RUNX1: variants seen among roughly 807,000 people sequenced by gnomAD.
RUNX1 encodes the protein runt-related transcription factor 1.
A neutral mutation model predicts 42.8 loss-of-function variants in RUNX1; 19 were observed. That is an observed-to-expected ratio of 0.44 (90% CI 0.31 to 0.65). The LOEUF (loss-of-function observed/expected upper bound fraction) is 0.65. Ranked by LOEUF, RUNX1 falls within the 30% of genes least tolerant of loss-of-function variation. The pLI, the probability that RUNX1 is intolerant of heterozygous loss-of-function variation, is 0.07. For missense variants in RUNX1, 528 were observed against 672.0 expected, an observed-to-expected ratio of 0.79 and a Z score of 2.37; for synonymous variants, 271 against 289.4, an observed-to-expected ratio of 0.94 and a Z score of 0.64.
At chr21:34,891,016 C>T (rs900545595) in intron 3 of RUNX1, among the ~76,000 whole-genome samples, 1 of 152,076 alleles carries the variant, frequency 6.6e-6, no homozygotes, top group African/African-American at 2.4e-5. Flanking sequence ...CTTTTGACTC[C>T]AGGGGAAATA....
chr21:34,869,204 G>A (rs746293460), intron 5 of RUNX1, among the ~76,000 whole-genome samples: 8 of 152,082 alleles, frequency 5.3e-5, no homozygotes, highest in Non-Finnish European at 5.9e-5. Context: ...AGGGATTCTC[G>A]CTGTAGAAGG....
intron 2 of RUNX1, among the ~76,000 whole-genome samples, chr21:34,993,301 G>C (rs2058960015): frequency 6.6e-6 from 1 of 152,148 alleles, no homozygotes; most frequent in Non-Finnish European, 1.5e-5. Flanking sequence ...ATGGGGTAAG[G>C]TAAGATGTAG....
chr21:34,994,383 T>A (rs1414563944), intron 2 of RUNX1, among the ~76,000 whole-genome samples: 1 of 152,198 alleles, frequency 6.6e-6, no homozygotes, highest in African/African-American at 2.4e-5. Context: ...ATAATTTAAT[T>A]GTACATTTTA....
chr21:34,917,623 A>T (rs1170654398), intron 2 of RUNX1, among the ~76,000 whole-genome samples: 1 of 152,216 alleles, frequency 6.6e-6, no homozygotes, highest in Non-Finnish European at 1.5e-5. Flanking sequence ...AAATATCTCA[A>T]AGAAGATAGA....
At chr21:34,891,179 A>T (rs1333427094) in intron 3 of RUNX1, among the ~76,000 whole-genome samples, 1 of 152,202 alleles carries the variant, frequency 6.6e-6, no homozygotes, top group Non-Finnish European at 1.5e-5. Flanking sequence ...TTATCGAGTA[A>T]GGAAAGTTGG....
intron 2 of RUNX1, among the ~76,000 whole-genome samples, chr21:34,917,904 A>G (rs2058323835): frequency 6.6e-6 from 1 of 151,884 alleles, no homozygotes; most frequent in African/African-American, 2.4e-5. Context: ...GTCCAGGTGG[A>G]TGGATCATGA....
At chr21:34,872,104 A>G (rs948216124) in intron 5 of RUNX1, among the ~76,000 whole-genome samples, 1 of 152,124 alleles carries the variant, frequency 6.6e-6, no homozygotes, top group Non-Finnish European at 1.5e-5. Context: ...TTGGCCTCCT[A>G]AAGTGCTGGG....
In RUNX1 at chr21:34,789,598, ACACACG is replaced by A. The variant is rs1177007518; in HGVS notation, c.*2531_*2536del. On this transcript the variant is annotated 3_prime_UTR_variant, in exon 9 of 9. Transcript: ENST00000675419. Reference sequence around the variant, plus strand: ...AATGCAATTTTTCACACACACACACACACACGCACACACACACACATACAAAAATGT... The same window carrying A: ...AATGCAATTTTTCACACACACACACACACACACACACACATACAAAAATGT... The A allele has an allele frequency of 1.7e-5, 4 of 233,166 alleles. No individual in the cohort carries two copies. Among genetic ancestry groups the A allele is most frequent in the African/African-American group, 6.7e-5 (3 of 44,998 alleles). The allele number at this position is 233,166 out of a possible 1,614,324, so 14.4% of individuals were successfully genotyped here. A position where few individuals can be genotyped will look rare whatever the true frequency, so the allele number is the denominator to read the frequency against.
In RUNX1 at chr21:34,888,221, G is replaced by T. The variant is rs1266934633; in HGVS notation, c.98-1125C>A. The T allele has an allele frequency of 7.5e-6, 8 of 1,066,760 alleles. No homozygotes were observed. In the Admixed American group the frequency reaches 2.1e-4, roughly 28 times the overall value. 66.1% of individuals were successfully genotyped at this position (1,066,760 alleles called of 1,614,324 possible). A position where few individuals can be genotyped will look rare whatever the true frequency, so the allele number is the denominator to read the frequency against. ...CCGCCGGTTAGCTGCTCCGAGGCACGAACACCCACGAGCGCCGCGTAACCG... is the reference window on the plus strand; with the variant it reads ...CCGCCGGTTAGCTGCTCCGAGGCACTAACACCCACGAGCGCCGCGTAACCG... On this transcript the variant is annotated intron_variant, in intron 3 of 8. Coordinates refer to ENST00000675419, the MANE Select transcript of RUNX1 (RefSeq NM_001754.5).
intron 7 of RUNX1, among the ~76,000 whole-genome samples, chr21:34,805,950 A>T (rs2056673073): frequency 6.6e-6 from 1 of 152,200 alleles, no homozygotes; most frequent in Non-Finnish European, 1.5e-5. Flanking sequence ...GTACTTTTCA[A>T]ACTTTAGGGC....
At chr21:35,022,578 G>A (rs2059206564) in intron 2 of RUNX1, among the ~76,000 whole-genome samples, 1 of 152,188 alleles carries the variant, frequency 6.6e-6, no homozygotes, top group Admixed American at 6.5e-5. Flanking sequence ...AGTGCATATA[G>A]ATCTTTGTAA....
intron 2 of RUNX1, among the ~76,000 whole-genome samples, chr21:34,960,388 C>A (rs916780148): frequency 2.6e-5 from 4 of 152,316 alleles, no homozygotes; most frequent in East Asian, 3.9e-4. Flanking sequence ...CCCTTTCCTG[C>A]TGACTGGGTG....
At chr21:34,825,354 G>C (rs756872547) in intron 7 of RUNX1, among the ~76,000 whole-genome samples, 2 of 152,200 alleles carry the variant, frequency 1.3e-5, no homozygotes, top group African/African-American at 4.8e-5. Context: ...ACAGGGAAGA[G>C]AGCTCTTTCT....
At chr21:34,983,730 A>G (rs2058864500) in intron 2 of RUNX1, among the ~76,000 whole-genome samples, 2 of 152,180 alleles carry the variant, frequency 1.3e-5, no homozygotes, top group Non-Finnish European at 2.9e-5. Flanking sequence ...TGTGGGGGGA[A>G]AATGGTTTGA....
At chr21:34,917,150 C>T (rs2058317707) in intron 2 of RUNX1, among the ~76,000 whole-genome samples, 1 of 152,132 alleles carries the variant, frequency 6.6e-6, no homozygotes, top group East Asian at 1.9e-4. Flanking sequence ...AGCAGAGAAA[C>T]CTAAGTGACC....
chr21:34,986,512 G>A (rs972821547), intron 2 of RUNX1, among the ~76,000 whole-genome samples: 41 of 150,182 alleles, frequency 2.7e-4, no homozygotes, highest in African/African-American at 7.9e-4. Flanking sequence ...AGGTTGTCAC[G>A]CTTTTTGGAA....
chr21:34,881,487 C>T (rs1454376580), intron 4 of RUNX1, among the ~76,000 whole-genome samples: 1 of 152,082 alleles, frequency 6.6e-6, no homozygotes, highest in African/African-American at 2.4e-5. Flanking sequence ...ACAAAATCAA[C>T]AGACCTCAGA....
At chr21:34,897,679 C>A (rs2058141423) in intron 2 of RUNX1, among the ~76,000 whole-genome samples, 1 of 152,146 alleles carries the variant, frequency 6.6e-6, no homozygotes, top group South Asian at 2.1e-4. Context: ...TAGTGTAAAA[C>A]TCTTGACCTC....
rs989115184 is a variant in RUNX1, at chr21:34,907,200, G to T, written c.59-14237C>A. Among the ~76,000 whole-genome samples, 4 of 152,150 alleles carry T rather than the reference G, an allele frequency of 2.6e-5. No homozygotes were observed. The highest frequency in any genetic ancestry group is 4.4e-5 in the Non-Finnish European group (3 of 68,024). ...CTTGACAGCAAGAAAACCTAAACAG[G>T]AGAATCCCACTTAGCATCTGCCCAC... On this transcript the variant is annotated intron_variant, in intron 2 of 8. Coordinates refer to ENST00000675419, the MANE Select transcript of RUNX1 (RefSeq NM_001754.5). This position sits in a 1 kb window ranked among gnomAD's most constrained non-coding sequence, Gnocchi z 5.3.
Sources: gnomAD v4.1 joint callset for allele counts (sites outside exome capture counted in the v4.1 genomes callset) on GRCh38, gnomAD v4.1.1 for gene constraint, Gnocchi (gnomAD v3.1) non-coding constraint, MANE v1.5 for transcripts, NCBI Gene and HGNC (gene_info 2026-07-23, HGNC 2026-07-21) for gene names.